The following ARHGAP10 variants were observed in gnomAD, a reference collection of about 807,000 sequenced individuals.
ARHGAP10 encodes the protein Rho GTPase activating protein 10.
ARHGAP10 carries 87 observed loss-of-function variants against 108.6 expected under a neutral mutation model. The observed-to-expected ratio is 0.80, with a 90% CI of 0.67 to 0.96. The LOEUF is 0.96. ARHGAP10 is among the 40% of genes least tolerant of loss of function. The pLI is 0.00. For missense variants in ARHGAP10, 939 were observed against 954.5 expected (o/e 0.98, Z 0.21); for synonymous variants, 347 against 341.1 (o/e 1.02, Z -0.19).
At chr4:148,020,850 T>C (rs1741542366) in intron 18 of ARHGAP10, among the ~76,000 whole-genome samples, 2 of 152,234 alleles carry the variant, frequency 1.3e-5, no homozygotes, top group Admixed American at 1.3e-4. Flanking sequence ...AATATTTCTG[T>C]TTCTAAATCT....
intron 1 of ARHGAP10, among the ~76,000 whole-genome samples, chr4:147,739,144 G>A (rs1405849361): frequency 2.7e-5 from 4 of 146,192 alleles, no homozygotes; most frequent in Non-Finnish European, 4.4e-5. Flanking sequence ...CTGAGATCAC[G>A]CCATTGCACT....
chr4:148,043,776 GTA>G (rs1183092089), intron 19 of ARHGAP10, among the ~76,000 whole-genome samples: 24 of 143,676 alleles, frequency 1.7e-4, no homozygotes, highest in South Asian at 2.2e-4. Context: ...GTATATATAT[GTA>G]TATATATATG....
At chr4:147,989,024 C>G (rs1209682832) in intron 18 of ARHGAP10, among the ~76,000 whole-genome samples, 2 of 145,260 alleles carry the variant, frequency 1.4e-5, no homozygotes, top group Non-Finnish European at 3.1e-5. Flanking sequence ...GTAGGTTCTT[C>G]TCTATTTTCC....
chr4:147,830,604 CT>C (rs1304316786), intron 3 of ARHGAP10, among the ~76,000 whole-genome samples: 2 of 147,288 alleles, frequency 1.4e-5, no homozygotes, highest in Non-Finnish European at 3.0e-5. Flanking sequence ...ACTGCAACCT[CT>C]GCCTCTCATG....
intron 1 of ARHGAP10, among the ~76,000 whole-genome samples, chr4:147,801,033 T>G (rs1344956039): frequency 6.6e-6 from 1 of 152,240 alleles, no homozygotes; most frequent in African/African-American, 2.4e-5. Context: ...CTTGAACTCC[T>G]GGCCTCAAGT....
At chr4:147,838,422 A>G (rs1022076776) in intron 3 of ARHGAP10, among the ~76,000 whole-genome samples, 13 of 151,920 alleles carry the variant, frequency 8.6e-5, no homozygotes, top group African/African-American at 2.4e-4. Context: ...GTGATCTGTT[A>G]TCACACCATT....
Position 148,019,927 on chromosome 4 carries a change from G to C in ARHGAP10, c.1717-3336G>C, listed in dbSNP as rs1438793965. 6.6e-5 allele frequency among the ~76,000 whole-genome samples: 10 copies of C among 152,174 alleles called. No individual in the cohort carries two copies. In the East Asian group the frequency reaches 1.3e-3, roughly 21 times the overall value. The stretch of plus-strand genomic sequence containing the variant: ...GCTTTCTGAAATGCTAATACAGGTT[G>C]AGTATCCCTTAATGGAAATGCTTGG... On this transcript the variant is annotated intron_variant, in intron 18 of 22. Coordinates refer to ENST00000336498, the MANE Select transcript of ARHGAP10 (RefSeq NM_024605.4).
chr4:147,885,704 A>C (rs1384483927), intron 10 of ARHGAP10, among the ~76,000 whole-genome samples: 1 of 152,176 alleles, frequency 6.6e-6, no homozygotes, highest in South Asian at 2.1e-4. Context: ...ACAGTTAACC[A>C]TTCTGGTTCT....
At chr4:147,893,441 A>G (rs1285590077) in intron 10 of ARHGAP10, among the ~76,000 whole-genome samples, 2 of 147,606 alleles carry the variant, frequency 1.4e-5, no homozygotes, top group East Asian at 3.9e-4. Context: ...TTCAATATAT[A>G]TATTATTATT....
chr4:147,815,524 C>T (rs1436575478), intron 1 of ARHGAP10, among the ~76,000 whole-genome samples: 1 of 152,020 alleles, frequency 6.6e-6, no homozygotes, highest in Non-Finnish European at 1.5e-5. Context: ...CCATTGTAAT[C>T]ACAGTGGTCC....
At chr4:148,071,121 A>G (rs980814746) in intron 22 of ARHGAP10, among the ~76,000 whole-genome samples, 1 of 152,204 alleles carries the variant, frequency 6.6e-6, no homozygotes, top group African/African-American at 2.4e-5. Flanking sequence ...TCTAAACAGG[A>G]GGAACTACCT....
chr4:148,069,890 C>T (rs943622804), intron 22 of ARHGAP10, among the ~76,000 whole-genome samples: 4 of 152,184 alleles, frequency 2.6e-5, no homozygotes, highest in African/African-American at 9.7e-5. Flanking sequence ...GGTGGCTGCA[C>T]ACTAGTAGCA....
intron 1 of ARHGAP10, among the ~76,000 whole-genome samples, chr4:147,818,230 A>G (rs1732335760): frequency 6.6e-6 from 1 of 151,524 alleles, no homozygotes; most frequent in South Asian, 2.1e-4. Context: ...AATTGAAATA[A>G]TATTTGTAAG....
chr4:147,737,028 G>A (rs904220420), intron 1 of ARHGAP10, among the ~76,000 whole-genome samples: 8 of 152,192 alleles, frequency 5.3e-5, no homozygotes, highest in African/African-American at 1.9e-4. Flanking sequence ...GGTTCTTGAT[G>A]CTGTTGGGAG....
At chr4:147,992,491 T>G (rs1005108995) in intron 18 of ARHGAP10, among the ~76,000 whole-genome samples, 10 of 152,332 alleles carry the variant, frequency 6.6e-5, no homozygotes, top group African/African-American at 2.4e-4. Flanking sequence ...TACTGCAACC[T>G]CCGCCTCCCG....
At chr4:147,971,220 A>G (rs948123819) in intron 18 of ARHGAP10, among the ~76,000 whole-genome samples, 1 of 152,024 alleles carries the variant, frequency 6.6e-6, no homozygotes, top group Non-Finnish European at 1.5e-5. Flanking sequence ...AGGATTTTCA[A>G]ATTGGGGTTG....
chr4:147,818,725 A>T (rs2126781558), intron 1 of ARHGAP10, among the ~76,000 whole-genome samples: 1 of 152,336 alleles, frequency 6.6e-6, no homozygotes, highest in African/African-American at 2.4e-5. Flanking sequence ...CATTTAATGG[A>T]CTGCATTAAG....
chr4:147,800,311 C>T (rs1339639020), intron 1 of ARHGAP10, among the ~76,000 whole-genome samples: 3 of 152,180 alleles, frequency 2.0e-5, no homozygotes, highest in Non-Finnish European at 4.4e-5. Flanking sequence ...TACCTGTGCC[C>T]CACGGTTTTC....
At chr4:147,976,958 T>A (rs548490772) in intron 18 of ARHGAP10, among the ~76,000 whole-genome samples, 2 of 152,354 alleles carry the variant, frequency 1.3e-5, no homozygotes, top group East Asian at 1.9e-4. Flanking sequence ...AGTTTTTGAT[T>A]CACTAGAAAG....
Sources: gnomAD v4.1 joint callset for allele counts (sites outside exome capture counted in the v4.1 genomes callset) on GRCh38, gnomAD v4.1.1 for gene constraint, MANE v1.5 for transcripts, NCBI Gene and HGNC (gene_info 2026-07-23, HGNC 2026-07-21) for gene names.